Variants in TET2 observed in about 807,000 individuals in gnomAD.
TET2 encodes methylcytosine dioxygenase TET2.
TET2 carries 299 observed loss-of-function variants against 142.9 expected under a neutral mutation model. The observed-to-expected ratio is 2.09, with a 90% CI of 1.90 to 2.30. The LOEUF (loss-of-function observed/expected upper bound fraction) is 2.30, where lower values mean the gene tolerates loss of function less well. Among genes scored for constraint, TET2 ranks in the 30% most tolerant of loss-of-function variants. The pLI is 0.00. For missense variants in TET2, 2,418 were observed against 2,378.0 expected (o/e 1.02, Z -0.35); for synonymous variants, 819 against 849.0 (o/e 0.96, Z 0.61).
chr4:105,249,716 T>C (rs1339035546), intron 6 of TET2, among the ~76,000 whole-genome samples: 1 of 152,222 alleles, frequency 6.6e-6, no homozygotes, highest in African/African-American at 2.4e-5. Context: ...CACGTGTGTA[T>C]TGACCATGTA....
intron 1 of TET2, among the ~76,000 whole-genome samples, chr4:105,179,125 G>A (rs903724657): frequency 3.3e-5 from 5 of 152,172 alleles, no homozygotes; most frequent in African/African-American, 1.2e-4. Flanking sequence ...CCTGGTCTCT[G>A]CCTTGACACA....
Position 105,236,045 on chromosome 4 carries a change from G to T in TET2, c.2103G>T (p.Gln701His). 2 of 1,614,112 alleles carry T rather than the reference G, an allele frequency of 1.2e-6. No individual in the cohort carries two copies. Among genetic ancestry groups the T allele is most frequent in the Non-Finnish European group, 1.7e-6 (2 of 1,180,004 alleles). Residue 701 changes from glutamine to histidine, a missense_variant, in exon 3 of 11, where the codon CAG becomes CAT. Transcript: ENST00000380013. ...TEKLMSPVLK[Q>H]HLNQQASETE... is the part of the protein sequence containing the mutation. ...AACTTATGTCCCCAGTGTTGAAACA[G>T]CACTTGAATCAACAGGCTTCAGAGA...
intron 2 of TET2, among the ~76,000 whole-genome samples, chr4:105,207,324 T>C (rs1726884535): frequency 6.6e-6 from 1 of 152,208 alleles, no homozygotes; most frequent in South Asian, 2.1e-4. Flanking sequence ...ATGAGAACTC[T>C]CCTTTTGAAG....
intron 6 of TET2, among the ~76,000 whole-genome samples, chr4:105,250,478 T>G (rs2647246): frequency 0.55 from 79,122 of 143,596 alleles, 21,738 homozygotes; most frequent in African/African-American, 0.66. Flanking sequence ...AGATCCTCCC[T>G]CCTAGGCTTC....
chr4:105,224,684 G>GTCTCTCTCTTTCTC (rs1728066403), intron 2 of TET2, among the ~76,000 whole-genome samples: 1 of 108,106 alleles, frequency 9.3e-6, no homozygotes, highest in Non-Finnish European at 1.9e-5. Flanking sequence ...ATATCAGCCA[G>GTCTCTCTCTTTCTC]TCTCTCTCTC....
chr4:105,266,770 C>T (rs1312144262), intron 8 of TET2, among the ~76,000 whole-genome samples: 2 of 151,808 alleles, frequency 1.3e-5, no homozygotes, highest in Non-Finnish European at 2.9e-5. Context: ...TATTGTTACA[C>T]TAATATATGT....
Position 105,259,618 on chromosome 4 carries a change from G to A in TET2, c.3804-1G>A, listed in dbSNP as rs1730318656. On this transcript the variant is annotated splice_acceptor_variant, in intron 6 of 10. Transcript: ENST00000380013. LOFTEE classifies it high-confidence loss of function. Reference sequence around the variant, plus strand: ...ATGAATTTGGTCTTTTGATTTTTCAGGAGAACTTGCGCCTGTCAGGGGCTG... The same window carrying A: ...ATGAATTTGGTCTTTTGATTTTTCAAGAGAACTTGCGCCTGTCAGGGGCTG... The A allele has an allele frequency of 6.5e-7, 1 of 1,550,338 alleles. No individual in the cohort carries two copies. Among genetic ancestry groups the A allele is most frequent in the Non-Finnish European group, 8.7e-7 (1 of 1,146,168 alleles).
chr4:105,163,854 A>AGAGAGAGTGTGTGT (rs1553942671), intron 1 of TET2, among the ~76,000 whole-genome samples: 39 of 85,154 alleles, frequency 4.6e-4, no homozygotes, highest in Non-Finnish European at 8.7e-4. Flanking sequence ...AGAGAGAGAG[A>AGAGAGAGTGTGTGT]GTGTGTGTGT....
Position 105,259,671 on chromosome 4 carries a change from T to C in TET2, c.3856T>C (p.Ser1286Pro). 1 of 1,551,236 alleles carries C rather than the reference T, an allele frequency of 6.4e-7. No individual in the cohort carries two copies. The highest frequency in any genetic ancestry group is 8.7e-7 in the Non-Finnish European group (1 of 1,146,612). ...TCCAGAAACCTGTGGTGCCTCCTTC[T>C]CTTTTGGTTGTTCATGGAGCATGTA... Reference protein sequence around the residue: ...LDPETCGASFSFGCSWSMYYN... With the variant: ...LDPETCGASFPFGCSWSMYYN... Residue 1286 changes from serine to proline, a missense_variant, in exon 7 of 11, where the codon TCT becomes CCT. Coordinates refer to ENST00000380013, the MANE Select transcript of TET2 (RefSeq NM_001127208.3).
intron 2 of TET2, among the ~76,000 whole-genome samples, chr4:105,194,444 A>T (rs1725963394): frequency 6.6e-6 from 1 of 152,132 alleles, no homozygotes; most frequent in African/African-American, 2.4e-5. Context: ...TCAGAAGAAA[A>T]ATAGCTTTTC....
chr4:105,170,312 T>C (rs1724391930), intron 1 of TET2, among the ~76,000 whole-genome samples: 2 of 152,212 alleles, frequency 1.3e-5, no homozygotes, highest in South Asian at 4.1e-4. Context: ...TCAATAAATA[T>C]TTGGTGAAAG....
intron 1 of TET2, among the ~76,000 whole-genome samples, chr4:105,176,333 C>T (rs764786578): frequency 5.3e-5 from 8 of 151,918 alleles, no homozygotes; most frequent in Admixed American, 2.0e-4. Flanking sequence ...ATACAGATTC[C>T]GGAGGAAGAA....
rs564709423 is a variant in TET2 at position 105,275,955 on chromosome 4, C to T, written c.5445C>T (p.Gly1815=). ...ATAGAACTGCTTGTGTCCAAGGAGG[C>T]TTACACAAATTAAGTGATGCTAATG... ...NHDRTACVQG[G]LHKLSDANGQ... is the part of the protein sequence containing the mutation. The change falls in exon 11 of 11, where the codon GGC becomes GGT. Residue 1815 remains glycine, a synonymous_variant. Transcript: ENST00000380013. 10 of 1,551,836 alleles carry T rather than the reference C, an allele frequency of 6.4e-6. No homozygotes were observed. Among genetic ancestry groups the T allele is most frequent in the Non-Finnish European group, 8.7e-6 (10 of 1,147,014 alleles).
chr4:105,197,306 A>G (rs935430820), intron 2 of TET2, among the ~76,000 whole-genome samples: 21 of 152,358 alleles, frequency 1.4e-4, no homozygotes, highest in Non-Finnish European at 2.4e-4. Flanking sequence ...TTTGATGTCT[A>G]TTAGGTGATA....
chr4:105,230,763 A>G (rs984539978), intron 2 of TET2, among the ~76,000 whole-genome samples: 13 of 152,206 alleles, frequency 8.5e-5, no homozygotes, highest in African/African-American at 3.1e-4. Context: ...TTTGGCACAT[A>G]TAAATTTTAG....
chr4:105,215,537 G>A (rs2110562943), intron 2 of TET2, among the ~76,000 whole-genome samples: 1 of 152,142 alleles, frequency 6.6e-6, no homozygotes. Context: ...TAGCTGTGTG[G>A]GCTTCCAGAG....
chr4:105,205,286 A>G (rs943625388), intron 2 of TET2, among the ~76,000 whole-genome samples: 2 of 152,220 alleles, frequency 1.3e-5, no homozygotes, highest in Admixed American at 1.3e-4. Flanking sequence ...TTTGTTGTGG[A>G]ATTATGTCAC....
intron 1 of TET2, among the ~76,000 whole-genome samples, chr4:105,175,041 A>G (rs941245857): frequency 6.6e-6 from 1 of 152,200 alleles, no homozygotes; most frequent in Admixed American, 6.5e-5. Context: ...GTCCATGGGT[A>G]CAGTTTCACC....
At position 105,204,234 on chromosome 4, in the gene TET2, TACACACAC is replaced by T. The variant is rs763239434; in HGVS notation, c.-47+13757_-47+13764del. 1.9e-3 allele frequency among the ~76,000 whole-genome samples: 236 copies of T among 125,966 alleles called. 1 individual carries two copies. Among genetic ancestry groups the T allele is most frequent in the African/African-American group, 6.5e-3 (223 of 34,538 alleles). 82.6% of individuals were successfully genotyped at this position (125,966 alleles called of 152,430 possible). On this transcript the variant is annotated intron_variant, in intron 2 of 10. Transcript: ENST00000380013. The stretch of plus-strand genomic sequence containing the variant: ...ACAAACCAAAAAAAAAAAAAATATA[TACACACAC>T]ACACACACACACACACACACACACA...
Sources: gnomAD v4.1 joint callset for allele counts (sites outside exome capture counted in the v4.1 genomes callset) on GRCh38, gnomAD v4.1.1 for gene constraint, MANE v1.5 for transcripts, NCBI Gene and HGNC (gene_info 2026-07-23, HGNC 2026-07-21) for gene names.